FREM3: variants seen among roughly 807,000 people sequenced by gnomAD.
FREM3 encodes FRAS1-related extracellular matrix protein 3.
Under a neutral mutation model 129.1 loss-of-function variants are expected in FREM3, and 105 were observed. The ratio of observed to expected loss-of-function variants is 0.81; its 90% CI spans 0.69 to 0.96. The LOEUF (loss-of-function observed/expected upper bound fraction) is 0.96. Ranked by LOEUF, FREM3 falls within the 40% of genes least tolerant of loss-of-function variation. FREM3 has a pLI of 0.00. For synonymous variants in FREM3, 1,014 were observed against 1,044.9 expected (o/e 0.97, Z 0.57); for missense variants, 2,593 against 2,666.3 (o/e 0.97, Z 0.61).
intron 6 of FREM3, among the ~76,000 whole-genome samples, chr4:143,590,515 G>C (rs918190208): frequency 6.6e-6 from 1 of 152,072 alleles, no homozygotes; most frequent in African/African-American, 2.4e-5. Flanking sequence ...TTTGTCTTTG[G>C]TTCTGTTTAT....
chr4:143,671,832 G>A (rs575017018), intron 2 of FREM3, among the ~76,000 whole-genome samples: 1 of 152,318 alleles, frequency 6.6e-6, no homozygotes, highest in East Asian at 1.9e-4. Flanking sequence ...CAGCTACTTT[G>A]TAAAAGTATG....
chr4:143,699,606 G>A lies in FREM3; in HGVS notation c.1070C>T (p.Pro357Leu), dbSNP rs1303521962. The A allele has an allele frequency of 3.9e-6, 6 of 1,528,792 alleles. No homozygotes were observed. The highest frequency in any genetic ancestry group is 1.4e-5 in the African/African-American group (1 of 72,868). The allele number at this position is 1,528,792 out of a possible 1,614,324, so 94.7% of individuals were successfully genotyped here. A position where few individuals can be genotyped will look rare whatever the true frequency, so the allele number is the denominator to read the frequency against. Residue 357 changes from proline to leucine, a missense_variant, in exon 1 of 8, where the codon CCG becomes CTG. Physicochemically the swap from Pro to Leu is moderately conservative, Grantham distance 98 (BLOSUM62 -3). Transcript: ENST00000329798. This position sits in a 1 kb window ranked among gnomAD's most constrained non-coding sequence, Gnocchi z 4.2. ...GCTGACCACGTAGCCCTGTTGCCCC[G>A]GGTGCCCTGGTGGGTGAGTGGGGGC... ...LNAPTHPPGH[P>L]GQQGYVVSTD...
At chr4:143,633,184 A>T (rs1271106768) in intron 2 of FREM3, among the ~76,000 whole-genome samples, 1 of 152,110 alleles carries the variant, frequency 6.6e-6, no homozygotes, top group Non-Finnish European at 1.5e-5. Flanking sequence ...TCATCCACAG[A>T]GTGCTGTTGG....
intron 2 of FREM3, among the ~76,000 whole-genome samples, chr4:143,659,495 C>G (rs1739664679): frequency 6.6e-6 from 1 of 152,124 alleles, no homozygotes; most frequent in Admixed American, 6.6e-5. Context: ...TGGACATTGG[C>G]ATTGGTTCCA....
intron 6 of FREM3, among the ~76,000 whole-genome samples, chr4:143,594,322 C>T (rs776203192): frequency 1.3e-5 from 2 of 152,164 alleles, no homozygotes; most frequent in East Asian, 1.9e-4. Flanking sequence ...GTGTCGCTCA[C>T]GCTGGGAGCT....
In FREM3 at chr4:143,699,970, T is replaced by C; in HGVS notation, c.706A>G (p.Arg236Gly). Residue 236 changes from arginine to glycine, a missense_variant, in exon 1 of 8, where the codon AGG becomes GGG. Around this residue, in one of 2 missense-constraint regions of FREM3, gnomAD observed 2,276 missense variants for 2,267.2 expected, o/e 1.00. Transcript: ENST00000329798. The surrounding 1 kb of genome is among the most constrained non-coding windows in gnomAD (Gnocchi z 4.2). ...GCCTCACAGTCTACGCCCTTGCCCC[T>C]GGGGAGAGGGGCCCCCACCGCGTCC... ...LVDAVGAPLP[R>G]GKGVDCEAFL... 6.6e-7 allele frequency: 1 copy of C among 1,509,578 alleles called. No individual in the cohort carries two copies. The highest frequency in any genetic ancestry group is 1.2e-5 in the South Asian group (1 of 80,560). 93.5% of individuals were successfully genotyped at this position (1,509,578 alleles called of 1,614,324 possible). A position where few individuals can be genotyped will look rare whatever the true frequency, so the allele number is the denominator to read the frequency against.
chr4:143,578,133 A>T (rs6835662), intron 7 of FREM3, among the ~76,000 whole-genome samples: 85,127 of 152,168 alleles, frequency 0.56, 24,103 homozygotes, highest in Middle Eastern at 0.66. Context: ...ATTCTGCCAA[A>T]TTATTGAAGG....
At chr4:143,650,763 A>T (rs530528475) in intron 2 of FREM3, among the ~76,000 whole-genome samples, 2 of 152,328 alleles carry the variant, frequency 1.3e-5, no homozygotes, top group East Asian at 3.9e-4. Flanking sequence ...AAGTGCTAGG[A>T]TTACAGGTAT....
chr4:143,677,667 A>T (rs1334857053), intron 2 of FREM3, among the ~76,000 whole-genome samples: 1 of 152,230 alleles, frequency 6.6e-6, no homozygotes, highest in Non-Finnish European at 1.5e-5. Context: ...TAATATCCAG[A>T]ATCTACAAAG....
chr4:143,595,706 T>A (rs1211368586), intron 6 of FREM3, among the ~76,000 whole-genome samples: 1 of 151,836 alleles, frequency 6.6e-6, no homozygotes, highest in Non-Finnish European at 1.5e-5. Context: ...GCTAACACGG[T>A]GAAACCCCGT....
intron 2 of FREM3, chr4:143,645,047 C>T (rs1030525870): frequency 6.6e-6 from 1 of 152,164 alleles, no homozygotes; most frequent in African/African-American, 2.4e-5. Context: ...ATAACTATTT[C>T]TTAAGTGAAG....
Position 143,682,314 on chromosome 4 carries a change from G to A in FREM3, c.5275+10799C>T, listed in dbSNP as rs552545771. 4.6e-5 allele frequency among the ~76,000 whole-genome samples: 7 copies of A among 152,278 alleles called. No individual in the cohort carries two copies. In the East Asian group the frequency reaches 1.4e-3, roughly 29 times the overall value. ...GACCTTTTCTGCCCAGCAGACAGGA[G>A]ATTGGCTGTCCGCAACAAATCATAA... On this transcript the variant is annotated intron_variant, in intron 2 of 7. Transcript: ENST00000329798.
intron 2 of FREM3, among the ~76,000 whole-genome samples, chr4:143,628,893 G>A (rs111236453): frequency 0.012 from 1,787 of 152,176 alleles, 42 homozygotes; most frequent in African/African-American, 0.041. Context: ...AGTGGAGAGC[G>A]CTGCATTGGG....
intron 7 of FREM3, among the ~76,000 whole-genome samples, chr4:143,582,754 A>G (rs981272666): frequency 2.0e-5 from 3 of 152,228 alleles, no homozygotes; most frequent in African/African-American, 7.2e-5. Context: ...AACCAATCCA[A>G]GGAATCTAGG....
chr4:143,670,174 G>A, intron 2 of FREM3, among the ~76,000 whole-genome samples: 1 of 152,132 alleles, frequency 6.6e-6, no homozygotes, highest in East Asian at 1.9e-4. Context: ...GAGATTCACT[G>A]AGAAATTAAG....
intron 4 of FREM3, among the ~76,000 whole-genome samples, chr4:143,622,756 A>AT (rs1738974300): frequency 2.0e-5 from 3 of 152,260 alleles, no homozygotes; most frequent in Admixed American, 6.5e-5. Flanking sequence ...CATGCCCTCT[A>AT]TTTTTTCCAA....
chr4:143,700,059 C>A lies in FREM3; in HGVS notation c.617G>T (p.Arg206Leu). The A allele has an allele frequency of 1.3e-6, 2 of 1,522,286 alleles. No individual in the cohort carries two copies. Among genetic ancestry groups the A allele is most frequent in the Non-Finnish European group, 1.8e-6 (2 of 1,136,580 alleles). The allele number at this position is 1,522,286 out of a possible 1,614,324, so 94.3% of individuals were successfully genotyped here. A position where few individuals can be genotyped will look rare whatever the true frequency, so the allele number is the denominator to read the frequency against. ...AGGAAGTGGGGTAAGCCGGCACCTG[C>A]GGGTGGCCGTGGCTCCAGACTTCAG... Reference protein sequence around the residue: ...ASLKSGATATRRCRLTPLPHE... With the variant: ...ASLKSGATATLRCRLTPLPHE... Residue 206 changes from arginine to leucine, a missense_variant, in exon 1 of 8, where the codon CGC becomes CTC. Transcript: ENST00000329798.
intron 2 of FREM3, among the ~76,000 whole-genome samples, chr4:143,641,649 T>C (rs1424640814): frequency 5.3e-5 from 8 of 152,316 alleles, no homozygotes; most frequent in Admixed American, 2.6e-4. Context: ...CCAACACTTA[T>C]CAGGCTAAGA....
At chr4:143,644,926 A>T (rs139528539) in intron 2 of FREM3, among the ~76,000 whole-genome samples, 58 of 152,316 alleles carry the variant, frequency 3.8e-4, no homozygotes, top group African/African-American at 1.3e-3. Flanking sequence ...TTTCCCCTCA[A>T]ATCTGTCCTT....
Sources: allele counts gnomAD v4.1 joint callset (sites outside exome capture counted in the v4.1 genomes callset), GRCh38; gene constraint gnomAD v4.1.1; regional missense constraint gnomAD v4.1.1; non-coding constraint Gnocchi (gnomAD v3.1); transcripts MANE v1.5; gene names NCBI Gene and HGNC (gene_info 2026-07-23, HGNC 2026-07-21).